Variants in PCDHGA4 observed in about 807,000 individuals in gnomAD.
PCDHGA4 encodes the protein protocadherin gamma-A4.
Under a neutral mutation model 54.6 loss-of-function variants are expected in PCDHGA4, and 38 were observed. The ratio of observed to expected loss-of-function variants is 0.70; its 90% CI spans 0.54 to 0.91. PCDHGA4 has a LOEUF of 0.91. Among genes scored for constraint, PCDHGA4 ranks in the 40% least tolerant of loss-of-function variants. The pLI is 0.00. For missense variants in PCDHGA4, 1,298 were observed against 1,220.9 expected (o/e 1.06, Z -0.94); for synonymous variants, 511 against 512.9 (o/e 1.00, Z 0.05).
At chr5:141,370,704 C>T (rs1767132773) in intron 1 of PCDHGA4, 1 of 1,613,760 alleles carries the variant, frequency 6.2e-7, no homozygotes, top group African/African-American at 1.3e-5. Context: ...GACGTGTGTT[C>T]TGGAATTTGA....
intron 1 of PCDHGA4, chr5:141,414,273 G>A: frequency 6.2e-7 from 1 of 1,613,418 alleles, no homozygotes; most frequent in Non-Finnish European, 8.5e-7. Flanking sequence ...ATTCACCTCT[G>A]GGAACAGTCG....
chr5:141,433,080 A>T lies in PCDHGA4; in HGVS notation c.2515-61727A>T, dbSNP rs1315049041. 4.3e-6 allele frequency: 7 copies of T among 1,614,174 alleles called. No homozygotes were observed. The East Asian group carries it at 1.6e-4, about 36-fold the overall frequency. ...AGTCACCTGATCTTCCCCCAGCCCA[A>T]CTATGCAGACATGCTCGTCAGCCAG... On this transcript the variant is annotated intron_variant, in intron 1 of 3. Transcript: ENST00000571252.
At chr5:141,506,092 G>A (rs1595997534) in intron 3 of PCDHGA4, among the ~76,000 whole-genome samples, 1 of 152,142 alleles carries the variant, frequency 6.6e-6, no homozygotes, top group Admixed American at 6.6e-5. Flanking sequence ...TTCGGCTAGT[G>A]GTGGTTGTCC....
At chr5:141,393,028 C>T in intron 1 of PCDHGA4, 6 of 1,613,768 alleles carry the variant, frequency 3.7e-6, no homozygotes, top group Non-Finnish European at 5.1e-6. Context: ...AGAGGTAGGA[C>T]GCAGCTCTTT....
intron 1 of PCDHGA4, chr5:141,388,942 T>C: frequency 6.2e-7 from 1 of 1,614,004 alleles, no homozygotes; most frequent in African/African-American, 1.3e-5. Flanking sequence ...CTACCCAACC[T>C]AATTATGGAG....
chr5:141,444,589 C>A (rs1198742574), intron 1 of PCDHGA4, among the ~76,000 whole-genome samples: 1 of 152,068 alleles, frequency 6.6e-6, no homozygotes, highest in Non-Finnish European at 1.5e-5. Context: ...TTTCTACTTA[C>A]CTTATTTAAA....
chr5:141,404,849 C>G, intron 1 of PCDHGA4: 1 of 1,613,862 alleles, frequency 6.2e-7, no homozygotes, highest in Non-Finnish European at 8.5e-7. Context: ...TCGGGCCCTG[C>G]TAGATAGAGA....
At chr5:141,423,495 C>T in intron 1 of PCDHGA4, 1 of 1,613,946 alleles carries the variant, frequency 6.2e-7, no homozygotes, top group African/African-American at 1.3e-5. Context: ...CCTATTCCCA[C>T]GAGGTCTCTC....
chr5:141,447,954 C>T (rs927510517), intron 1 of PCDHGA4, among the ~76,000 whole-genome samples: 11 of 151,814 alleles, frequency 7.2e-5, no homozygotes, highest in Non-Finnish European at 1.2e-4. Flanking sequence ...GGCATGGTGG[C>T]GGACACCTAT....
intron 1 of PCDHGA4, chr5:141,387,576 G>C (rs534073702): frequency 2.1e-6 from 1 of 487,618 alleles, no homozygotes; most frequent in Non-Finnish European, 3.6e-6. Context: ...TATAATTATT[G>C]CACTGGTTAA....
chr5:141,361,612 G>T (rs1485952478), intron 1 of PCDHGA4: 6 of 1,613,866 alleles, frequency 3.7e-6, no homozygotes, highest in Non-Finnish European at 5.1e-6. Context: ...CTCCATCGTA[G>T]CGAGCGACCT....
intron 1 of PCDHGA4, among the ~76,000 whole-genome samples, chr5:141,437,781 A>G (rs957126405): frequency 7.3e-5 from 11 of 149,878 alleles, no homozygotes; most frequent in Admixed American, 6.7e-5. Flanking sequence ...ATCTGTCGCC[A>G]AGCTGGAGTG....
chr5:141,365,146 A>T (rs780914811), intron 1 of PCDHGA4: 6 of 1,613,932 alleles, frequency 3.7e-6, no homozygotes, highest in Non-Finnish European at 4.2e-6. Flanking sequence ...CAGATGAGGG[A>T]ATAAACGGGA....
intron 1 of PCDHGA4, chr5:141,383,938 G>T (rs764534858): frequency 5.0e-6 from 8 of 1,613,866 alleles, no homozygotes; most frequent in Non-Finnish European, 5.9e-6. Context: ...TGCTCCAGAA[G>T]TGACTATGAC....
At chr5:141,430,827 T>A in intron 1 of PCDHGA4, 1 of 1,551,000 alleles carries the variant, frequency 6.4e-7, no homozygotes, top group South Asian at 1.3e-5. Flanking sequence ...CTGGGGACTC[T>A]GTGGGAGACC....
intron 1 of PCDHGA4, among the ~76,000 whole-genome samples, chr5:141,425,691 T>C (rs1411905655): frequency 6.6e-6 from 1 of 152,238 alleles, no homozygotes. Context: ...TGCATATCAT[T>C]TCATAGTGGT....
At position 141,355,900 on chromosome 5, in the gene PCDHGA4, G is replaced by C; in HGVS notation, c.793G>C (p.Asp265His). The C allele has an allele frequency of 6.2e-7, 1 of 1,613,626 alleles. No individual in the cohort carries two copies. Among genetic ancestry groups the C allele is most frequent in the Non-Finnish European group, 8.5e-7 (1 of 1,179,800 alleles). ...GTARILIILV[D>H]TNDNAPVFTQ... ...TGCCAGGATTCTCATAATACTTGTG[G>C]ATACCAACGATAATGCTCCCGTGTT... Residue 265 changes from aspartate to histidine, a missense_variant, in exon 1 of 4, where the codon GAT becomes CAT. By Grantham distance (81) the Asp-to-His change is moderately conservative. Coordinates refer to ENST00000571252, the MANE Select transcript of PCDHGA4 (RefSeq NM_018917.4).
intron 1 of PCDHGA4, chr5:141,417,801 G>A (rs368563336): frequency 1.3e-6 from 2 of 1,490,494 alleles, no homozygotes; most frequent in South Asian, 1.4e-5. Context: ...CTTTTAGCGC[G>A]GTAGAGTGCA....
In PCDHGA4 at chr5:141,451,946, G is replaced by A. The variant is rs146934262; in HGVS notation, c.2515-42861G>A. On this transcript the variant is annotated intron_variant, in intron 1 of 3. Coordinates refer to ENST00000571252, the MANE Select transcript of PCDHGA4 (RefSeq NM_018917.4). ...GGAGGTAGGGAGGCAGGGAAAGACC[G>A]AGAAAGTGACATACCATCATTTTTG... Among the ~76,000 whole-genome samples, 240 of 152,218 alleles carry A rather than the reference G, an allele frequency of 1.6e-3. 1 individual carries two copies. Among genetic ancestry groups the A allele is most frequent in the Non-Finnish European group, 2.9e-3 (195 of 68,026 alleles).
Sources: gnomAD v4.1 joint callset for allele counts (sites outside exome capture counted in the v4.1 genomes callset) on GRCh38, gnomAD v4.1.1 for gene constraint, MANE v1.5 for transcripts, NCBI Gene and HGNC (gene_info 2026-07-23, HGNC 2026-07-21) for gene names.